RASSF1: variants seen among roughly 807,000 people sequenced by gnomAD.
RASSF1 encodes the protein ras association domain-containing protein 1.
A neutral mutation model predicts 34.3 loss-of-function variants in RASSF1; 33 were observed. The ratio of observed to expected loss-of-function variants is 0.96; its 90% CI spans 0.73 to 1.29. RASSF1 has a LOEUF of 1.29. Among genes scored for constraint, RASSF1 ranks in the 50% most tolerant of loss-of-function variants. The pLI, the probability that RASSF1 is intolerant of heterozygous loss-of-function variation, is 0.00. For synonymous variants in RASSF1, 191 were observed against 195.0 expected (o/e 0.98, Z 0.17); for missense variants, 445 against 471.8 (o/e 0.94, Z 0.53).
At position 50,340,310 on chromosome 3, in the gene RASSF1, A is replaced by C. The variant is rs996235862; in HGVS notation, c.250+246T>G. ...AGGGCCAAGGCATTTTAAAGATAAG[A>C]AACTTAAAATCAGCGTATTTTTACA... On this transcript the variant is annotated intron_variant, in intron 1 of 5. Coordinates refer to ENST00000359365, the MANE Select transcript of RASSF1 (RefSeq NM_007182.5). Among the ~76,000 whole-genome samples, 13 of 152,240 alleles carry C rather than the reference A, an allele frequency of 8.5e-5. No individual in the cohort carries two copies. The East Asian group carries it at 2.5e-3, about 29-fold the overall frequency.
intron 3 of RASSF1, 54 bp downstream of exon 3, chr3:50,331,994 GCA>G: frequency 1.3e-6 from 2 of 1,591,690 alleles, no homozygotes; most frequent in South Asian, 1.1e-5. Context: ...TGAGTATCAG[GCA>G]CATAGCTGGG....
chr3:50,335,393 T>G (rs1021525269), intron 2 of RASSF1, among the ~76,000 whole-genome samples: 1 of 147,536 alleles, frequency 6.8e-6, no homozygotes, highest in Non-Finnish European at 1.5e-5. Context: ...CTCGACTCAC[T>G]GCAACCTCTG....
At position 50,332,051 on chromosome 3, in the gene RASSF1, A is replaced by G; in HGVS notation, c.461T>C (p.Leu154Ser). 6.2e-7 allele frequency: 1 copy of G among 1,613,814 alleles called. No homozygotes were observed. Among genetic ancestry groups the G allele is most frequent in the Non-Finnish European group, 8.5e-7 (1 of 1,179,750 alleles). Residue 154 changes from leucine (L) to serine (S), a missense_variant and splice_region_variant, in exon 3 of 6, where the codon TTG becomes TCG. Leu to Ser is a moderately radical substitution (Grantham distance 145). Transcript: ENST00000359365. ...AQINSNLFMS[L>S]NKDGSYTGFI... ...CCCCTTCCTGAGCAGTCAACTCACC[A>G]AGCTCATGAAGAGGTTGCTGTTGAT...
intron 1 of RASSF1, chr3:50,338,298 A>C: frequency 9.8e-7 from 1 of 1,016,052 alleles, no homozygotes; most frequent in Non-Finnish European, 1.2e-6. Flanking sequence ...CAACAACAAA[A>C]AACTGCGTCT....
rs587663450 is a variant in RASSF1 at position 50,339,677 on chromosome 3, A to C, written c.250+879T>G. On this transcript the variant is annotated intron_variant, in intron 1 of 5. Transcript: ENST00000359365. ...AGCCACCGCGCTCGGCCCCTTGTTC[A>C]TTCTTTGCATTCTGTCACAACTTTG... 5.3e-5 allele frequency among the ~76,000 whole-genome samples: 8 copies of C among 152,096 alleles called. No homozygotes were observed. In the South Asian group the frequency reaches 1.7e-3, roughly 32 times the overall value.
chr3:50,337,487 T>C (rs1703194599), intron 2 of RASSF1: 3 of 1,540,424 alleles, frequency 1.9e-6, no homozygotes. Flanking sequence ...CTTGTCTCAT[T>C]GGGGCAGGAA....
chr3:50,338,235 A>T, intron 1 of RASSF1: 1 of 1,374,252 alleles, frequency 7.3e-7, no homozygotes, highest in Non-Finnish European at 9.4e-7. Context: ...CAACAGTTGG[A>T]TCTCTATCGC....
Position 50,340,784 on chromosome 3 carries a change from T to C in RASSF1, c.22A>G (p.Ile8Val). 1 of 1,513,746 alleles carries C rather than the reference T, an allele frequency of 6.6e-7. No homozygotes were observed. Among genetic ancestry groups the C allele is most frequent in the East Asian group, 2.8e-5 (1 of 36,222 alleles). The allele number at this position is 1,513,746 out of a possible 1,614,324, so 93.8% of individuals were successfully genotyped here. MSGEPEL[I>V]ELRELAPAGR... Reference sequence around the variant, plus strand: ...GCGGGTGCCAGCTCCCGCAGCTCAATGAGCTCAGGCTCCCCCGACATGGCC... The same window carrying C: ...GCGGGTGCCAGCTCCCGCAGCTCAACGAGCTCAGGCTCCCCCGACATGGCC... The change falls in exon 1 of 6, where the codon ATT becomes GTT. Residue 8 changes from isoleucine (I) to valine (V), a missense_variant. Physicochemically the swap from Ile to Val is conservative, Grantham distance 29 (BLOSUM62 3). Coordinates refer to ENST00000359365, the MANE Select transcript of RASSF1 (RefSeq NM_007182.5).
chr3:50,335,394 G>A (rs1291877487), intron 2 of RASSF1, among the ~76,000 whole-genome samples: 1 of 138,450 alleles, frequency 7.2e-6, no homozygotes, highest in East Asian at 2.1e-4. Context: ...TCGACTCACT[G>A]CAACCTCTGT....
At chr3:50,338,581 T>C (rs959769528) in intron 1 of RASSF1, among the ~76,000 whole-genome samples, 1 of 152,182 alleles carries the variant, frequency 6.6e-6, no homozygotes, top group African/African-American at 2.4e-5. Flanking sequence ...CACCCGGCCC[T>C]TCACTGGGAA....
At position 50,340,600 on chromosome 3, in the gene RASSF1, C is replaced by T; in HGVS notation, c.206G>A (p.Gly69Asp). The T allele has an allele frequency of 1.3e-6, 2 of 1,546,216 alleles. No individual in the cohort carries two copies. The highest frequency in any genetic ancestry group is 8.6e-7 in the Non-Finnish European group (1 of 1,156,346). The change falls in exon 1 of 6, where the codon GGC becomes GAC. Residue 69 changes from glycine (G) to aspartate (D), a missense_variant. Physicochemically the swap from Gly to Asp is moderately conservative, Grantham distance 94. Coordinates refer to ENST00000359365, the MANE Select transcript of RASSF1 (RefSeq NM_007182.5). ...GCGCACGACGCCCCAGATGAAGTCGCCACAGAGGTCGCACCACGTGTGCGT... is the reference window on the plus strand; with the variant it reads ...GCGCACGACGCCCCAGATGAAGTCGTCACAGAGGTCGCACCACGTGTGCGT... The part of the protein sequence containing the change: ...PATHTWCDLC[G>D]DFIWGVVRKG...
At chr3:50,337,697 CG>C in intron 2 of RASSF1, 2 of 841,124 alleles carry the variant, frequency 2.4e-6, no homozygotes, top group South Asian at 1.8e-5. Flanking sequence ...AGCCTGGGCC[CG>C]GGTCCGCTTG....
rs1218429014 is a variant in RASSF1 at position 50,332,071 on chromosome 3, G to A, written c.441C>T (p.Asn147=). The change falls in exon 3 of 6, where the codon AAC becomes AAT. Residue 147 remains asparagine (N), a synonymous_variant. Coordinates refer to ENST00000359365, the MANE Select transcript of RASSF1 (RefSeq NM_007182.5). ...TCACCAAGCTCATGAAGAGGTTGCT[G>A]TTGATCTGGGCATTGTACTCCTTGA... is the stretch of plus-strand genomic sequence containing the variant. ...QKIKEYNAQI[N]SNLFMSLNKD... is the part of the protein sequence containing the mutation. 3 of 1,614,038 alleles carry A rather than the reference G, an allele frequency of 1.9e-6. No individual in the cohort carries two copies. Among genetic ancestry groups the A allele is most frequent in the Non-Finnish European group, 1.7e-6 (2 of 1,180,038 alleles).
In RASSF1 at chr3:50,340,745, TC is replaced by T; in HGVS notation, c.60del (p.Lys21ArgfsTer132). On this transcript the variant is annotated frameshift_variant, in exon 1 of 6. Transcript: ENST00000359365. LOFTEE classifies it high-confidence loss of function. ...GCACGCTCCAGCCGGGTGCGGCCCT[TC>T]CCAGCGCGCCCAGCGGGTGCCAGCT... Reference protein sequence around the residue: ...LRELAPAGRAGKGRTRLERAN... With the variant: ...LRELAPAGRAXKGRTRLERAN... 1 of 1,513,424 alleles carries T rather than the reference TC, an allele frequency of 6.6e-7. No individual in the cohort carries two copies. Among genetic ancestry groups the T allele is most frequent in the Non-Finnish European group, 8.8e-7 (1 of 1,140,668 alleles). 93.7% of individuals were successfully genotyped at this position (1,513,424 alleles called of 1,614,324 possible).
At chr3:50,339,084 G>T (rs1238205574) in intron 1 of RASSF1, among the ~76,000 whole-genome samples, 1 of 152,140 alleles carries the variant, frequency 6.6e-6, no homozygotes, top group Non-Finnish European at 1.5e-5. Context: ...TAGATCCTCC[G>T]TGCCAGTACC....
At chr3:50,339,364 T>C (rs1703279601) in intron 1 of RASSF1, among the ~76,000 whole-genome samples, 1 of 141,996 alleles carries the variant, frequency 7.0e-6, no homozygotes, top group Non-Finnish European at 1.5e-5. Context: ...CTTGTTCTTT[T>C]TTTTTTTTTT....
intron 2 of RASSF1, among the ~76,000 whole-genome samples, chr3:50,333,094 C>CA (rs201713583): frequency 0.049 from 6,920 of 141,176 alleles, 213 homozygotes; most frequent in South Asian, 0.077. Context: ...AACTCGGTCT[C>CA]AAAAAAAAAA....
chr3:50,331,800 A>G lies in RASSF1; in HGVS notation c.519T>C (p.Pro173=), dbSNP rs1409630531. Residue 173 remains proline (P), a synonymous_variant, in exon 4 of 6, where the codon CCT becomes CCC. Coordinates refer to ENST00000359365, the MANE Select transcript of RASSF1 (RefSeq NM_007182.5). ...GCTTCTTGCTGGAGGGCACAGAGAC[A>G]GGGCGCACCAGCTTCAGCTGAACCT... ...FIKVQLKLVR[P]VSVPSSKKPP... is the part of the protein sequence containing the mutation. 1.3e-6 allele frequency: 2 copies of G among 1,596,522 alleles called. No homozygotes were observed. Among genetic ancestry groups the G allele is most frequent in the Admixed American group, 1.7e-5 (1 of 59,022 alleles).
At chr3:50,331,995 C>T in intron 3 of RASSF1, 55 bp downstream of exon 3, 1 of 1,592,190 alleles carries the variant, frequency 6.3e-7, no homozygotes, top group Non-Finnish European at 8.6e-7. Context: ...GAGTATCAGG[C>T]ACATAGCTGG....
Sources: gnomAD v4.1 joint callset for allele counts (sites outside exome capture counted in the v4.1 genomes callset) on GRCh38, gnomAD v4.1.1 for gene constraint, MANE v1.5 for transcripts, NCBI Gene and HGNC (gene_info 2026-07-23, HGNC 2026-07-21) for gene names.